NELL2: variants seen among roughly 807,000 people sequenced by gnomAD.
NELL2 encodes the protein protein kinase C-binding protein NELL2.
In NELL2, 41 loss-of-function variants were observed where a neutral mutation model predicts 109.6. That is an observed-to-expected ratio of 0.37 (90% CI 0.29 to 0.49). The LOEUF (loss-of-function observed/expected upper bound fraction) is 0.49, where lower values mean the gene tolerates loss of function less well. Ranked by LOEUF, NELL2 falls within the 20% of genes least tolerant of loss-of-function variation. The pLI is 0.98. For missense variants in NELL2, 900 were observed against 1,008.3 expected, an observed-to-expected ratio of 0.89 and a Z score of 1.45; for synonymous variants, 355 against 344.7, an observed-to-expected ratio of 1.03 and a Z score of -0.33.
intron 13 of NELL2, among the ~76,000 whole-genome samples, chr12:44,633,095 A>G (rs1946514907): frequency 6.6e-6 from 1 of 151,958 alleles, no homozygotes; most frequent in Non-Finnish European, 1.5e-5. Flanking sequence ...TACAAACAAC[A>G]TGTAGTTAGG....
At chr12:44,774,615 G>A in intron 9 of NELL2, 132 bp downstream of exon 9, 1 of 725,252 alleles carries the variant, frequency 1.4e-6, no homozygotes. Context: ...AACAGAGAAA[G>A]TATTCTTCCT....
intron 2 of NELL2, among the ~76,000 whole-genome samples, chr12:44,828,431 T>C (rs1943783388): frequency 6.6e-6 from 1 of 152,184 alleles, no homozygotes; most frequent in African/African-American, 2.4e-5. Context: ...CAAAAATTTC[T>C]TTCGAATCTA....
chr12:44,833,192 C>T (rs1943939400), intron 2 of NELL2, among the ~76,000 whole-genome samples: 1 of 152,112 alleles, frequency 6.6e-6, no homozygotes, highest in South Asian at 2.1e-4. Flanking sequence ...AAAATTCAAG[C>T]AAAACCTGGG....
At position 44,743,080 on chromosome 12, in the gene NELL2, A is replaced by C. The variant is rs548873157; in HGVS notation, c.995-28339T>G. 2.5e-4 allele frequency among the ~76,000 whole-genome samples: 38 copies of C among 152,306 alleles called. 1 individual carries two copies. In the East Asian group the frequency reaches 6.0e-3, roughly 24 times the overall value. The stretch of plus-strand genomic sequence containing the variant: ...GGTTGGGTTACCCTCAAAGGGAAGC[A>C]CATCAGACTAACAGCAGATCTCTCG... On this transcript the variant is annotated intron_variant, in intron 9 of 19. Transcript: ENST00000429094.
chr12:44,918,247 A>C (rs1423392684), upstream of NELL2, among the ~76,000 whole-genome samples: 3 of 152,164 alleles, frequency 2.0e-5, no homozygotes, highest in Non-Finnish European at 4.4e-5. Flanking sequence ...TACAGATCCT[A>C]TATGGTGTTA....
intron 2 of NELL2, among the ~76,000 whole-genome samples, chr12:44,867,180 A>C (rs61438749): frequency 0.04 from 6,065 of 152,264 alleles, 207 homozygotes; most frequent in East Asian, 0.18. Flanking sequence ...AGGATACTAC[A>C]AGAAAATTAC....
intron 12 of NELL2, among the ~76,000 whole-genome samples, chr12:44,674,529 T>C (rs541116073): frequency 2.6e-5 from 4 of 152,264 alleles, no homozygotes; most frequent in Admixed American, 6.5e-5. Context: ...CAATAAATAA[T>C]CCATTTAATT....
chr12:44,607,414 T>C, intron 14 of NELL2, 150 bp from the exon 15 acceptor site: 2 of 563,028 alleles, frequency 3.6e-6, no homozygotes, highest in East Asian at 3.1e-5. Context: ...TTCCCATACA[T>C]TTAAGAAACT....
chr12:44,778,916 G>T (rs1941850994), intron 5 of NELL2, among the ~76,000 whole-genome samples: 1 of 152,094 alleles, frequency 6.6e-6, no homozygotes. Context: ...TAAATTCACT[G>T]GTATGTGATC....
intron 9 of NELL2, among the ~76,000 whole-genome samples, chr12:44,718,822 T>C (rs1222576590): frequency 6.6e-6 from 1 of 152,278 alleles, no homozygotes; most frequent in African/African-American, 2.4e-5. Context: ...TATTAAACAA[T>C]GTGAAATGCA....
At position 44,536,906 on chromosome 12, in the gene NELL2, A is replaced by G. The variant is rs73096344; in HGVS notation, c.1664-4185T>C. Among the ~76,000 whole-genome samples, 701 of 152,078 alleles carry G rather than the reference A, an allele frequency of 4.6e-3. 8 individuals are homozygous for G. Among genetic ancestry groups the G allele is most frequent in the Non-Finnish European group, 7.9e-3 (535 of 67,928 alleles). On this transcript the variant is annotated intron_variant, in intron 15 of 19. Coordinates refer to ENST00000429094, the MANE Select transcript of NELL2 (RefSeq NM_001145108.2). The stretch of plus-strand genomic sequence containing the variant: ...TCTGGGGATCAGTATTGACTTAGAT[A>G]ATAAAAATGAAAGGCACTGCTGAGG...
intron 16 of NELL2, among the ~76,000 whole-genome samples, chr12:44,531,556 T>C (rs1942058069): frequency 6.6e-6 from 1 of 152,186 alleles, no homozygotes; most frequent in Non-Finnish European, 1.5e-5. Context: ...TGATGAAAAC[T>C]CTGCTCAAGC....
intron 3 of NELL2, among the ~76,000 whole-genome samples, chr12:44,791,070 T>TATATATAC (rs1339758739): frequency 3.8e-4 from 4 of 10,408 alleles, no homozygotes; most frequent in East Asian, 0.015. Flanking sequence ...TTCAAGTATA[T>TATATATAC]ATATATATAT....
At chr12:44,746,561 C>T (rs980768403) in intron 9 of NELL2, among the ~76,000 whole-genome samples, 14 of 152,046 alleles carry the variant, frequency 9.2e-5, no homozygotes, top group African/African-American at 3.1e-4. Flanking sequence ...TGACAAAGGG[C>T]TAATACCCAG....
chr12:44,730,493 A>ATT (rs1939311840), intron 9 of NELL2, among the ~76,000 whole-genome samples: 1 of 152,298 alleles, frequency 6.6e-6, no homozygotes, highest in African/African-American at 2.4e-5. Context: ...AAACTAGAAA[A>ATT]TTCACAGATA....
At chr12:44,574,403 T>C (rs920777206) in intron 15 of NELL2, among the ~76,000 whole-genome samples, 1 of 152,216 alleles carries the variant, frequency 6.6e-6, no homozygotes, top group Non-Finnish European at 1.5e-5. Flanking sequence ...GGGTAATATG[T>C]TCATCTTTGA....
chr12:44,760,834 G>A (rs539154748), intron 9 of NELL2, among the ~76,000 whole-genome samples: 1 of 152,172 alleles, frequency 6.6e-6, no homozygotes, highest in Admixed American at 6.5e-5. Flanking sequence ...AGAGGACAGG[G>A]CCTTTTAAAG....
At chr12:44,844,323 G>A (rs946573031) in intron 2 of NELL2, among the ~76,000 whole-genome samples, 60 of 152,200 alleles carry the variant, frequency 3.9e-4, no homozygotes, top group Admixed American at 3.3e-3. Flanking sequence ...AAAACAAGTT[G>A]GGATATATTT....
rs569848940 is a variant in NELL2, at chr12:44,826,565, G to A, written c.185-10429C>T. ...ATACAAAGTTTCCGAAGTCTTTAAA[G>A]GTGAACAATCTCATTTAAGCCTCAT... On this transcript the variant is annotated intron_variant, in intron 2 of 19. Transcript: ENST00000429094. 3.9e-5 allele frequency among the ~76,000 whole-genome samples: 6 copies of A among 152,240 alleles called. No homozygotes were observed. The South Asian group carries it at 1.2e-3, about 32-fold the overall frequency.
Sources: allele counts gnomAD v4.1 joint callset (sites outside exome capture counted in the v4.1 genomes callset), GRCh38; gene constraint gnomAD v4.1.1; transcripts MANE v1.5; gene names NCBI Gene and HGNC (gene_info 2026-07-23, HGNC 2026-07-21).